The following ALK variants were observed in gnomAD, a reference collection of about 807,000 sequenced individuals.
The protein encoded by ALK is ALK tyrosine kinase receptor.
Under a neutral mutation model 163.1 loss-of-function variants are expected in ALK, and 74 were observed. That is an observed-to-expected ratio of 0.45 (90% confidence interval 0.38 to 0.55). The LOEUF (loss-of-function observed/expected upper bound fraction) is 0.55, where lower values mean the gene tolerates loss of function less well. Ranked by LOEUF, ALK falls within the 20% of genes least tolerant of loss-of-function variation. The pLI, the probability that ALK is intolerant of heterozygous loss-of-function variation, is 0.00. For synonymous variants in ALK, 960 were observed against 843.2 expected, an observed-to-expected ratio of 1.14 and a Z score of -2.40; for missense variants, 2,063 against 2,105.3, an observed-to-expected ratio of 0.98 and a Z score of 0.39.
intron 1 of ALK, among the ~76,000 whole-genome samples, chr2:29,841,497 G>A (rs546556266): frequency 7.2e-5 from 11 of 152,324 alleles, no homozygotes; most frequent in Admixed American, 2.0e-4. Flanking sequence ...GTATGTTAGA[G>A]AAGGATAATA....
chr2:29,278,988 G>C (rs867894831), intron 9 of ALK, among the ~76,000 whole-genome samples: 1 of 152,200 alleles, frequency 6.6e-6, no homozygotes, highest in African/African-American at 2.4e-5. Context: ...CTGGGGGGGG[G>C]GACAGAATCG....
Position 29,810,539 on chromosome 2 carries a change from T to C in ALK, c.668-92842A>G, listed in dbSNP as rs189146948. Among the ~76,000 whole-genome samples, 6 of 152,160 alleles carry C rather than the reference T, an allele frequency of 3.9e-5. No individual in the cohort carries two copies. The East Asian group carries it at 1.2e-3, about 29-fold the overall frequency. ...TGACTTGAATCTTGAATAACTTGTA[T>C]TGGAGGGCCTGGGAGAACAATGTGA... On this transcript the variant is annotated intron_variant, in intron 1 of 28. Coordinates refer to ENST00000389048, the MANE Select transcript of ALK (RefSeq NM_004304.5).
intron 3 of ALK, among the ~76,000 whole-genome samples, chr2:29,683,483 T>G (rs1678137673): frequency 6.6e-6 from 1 of 152,150 alleles, no homozygotes; most frequent in Non-Finnish European, 1.5e-5. Context: ...TGGACCATAA[T>G]GCATTAGATA....
At chr2:29,430,720 A>G (rs1670253020) in intron 4 of ALK, among the ~76,000 whole-genome samples, 1 of 152,228 alleles carries the variant, frequency 6.6e-6, no homozygotes, top group African/African-American at 2.4e-5. Context: ...TGCCTGGTAT[A>G]AAGAGAGCAA....
intron 5 of ALK, among the ~76,000 whole-genome samples, chr2:29,341,880 T>C (rs1667803313): frequency 6.6e-6 from 1 of 152,224 alleles, no homozygotes. Flanking sequence ...CTCTTTGTAT[T>C]TTTTAGTTTT....
At chr2:29,242,766 T>G (rs968089356) in intron 12 of ALK, among the ~76,000 whole-genome samples, 1 of 152,242 alleles carries the variant, frequency 6.6e-6, no homozygotes, top group Non-Finnish European at 1.5e-5. Flanking sequence ...TTGAGAAGAC[T>G]GCAAACCCAT....
chr2:29,868,985 GC>G (rs754709287), intron 1 of ALK, among the ~76,000 whole-genome samples: 1 of 152,180 alleles, frequency 6.6e-6, no homozygotes, highest in Non-Finnish European at 1.5e-5. Context: ...CTGGCTGACA[GC>G]CCCAGCTGAG....
At chr2:29,829,003 A>G (rs547129507) in intron 1 of ALK, among the ~76,000 whole-genome samples, 1 of 151,988 alleles carries the variant, frequency 6.6e-6, no homozygotes, top group African/African-American at 2.4e-5. Context: ...TGATGAGTTC[A>G]TGTCCTTTGT....
intron 3 of ALK, among the ~76,000 whole-genome samples, chr2:29,664,699 C>T (rs995654197): frequency 9.2e-5 from 14 of 152,148 alleles, no homozygotes; most frequent in African/African-American, 3.4e-4. Context: ...CCAGCTCCAC[C>T]CCACCTTGTC....
intron 1 of ALK, among the ~76,000 whole-genome samples, chr2:29,906,937 G>GT (rs70962250): frequency 0.012 from 998 of 80,026 alleles, 76 homozygotes; most frequent in African/African-American, 0.032. Flanking sequence ...TACATTTAAG[G>GT]TTTTTTTTTT....
rs1528426 is a variant in ALK at position 29,352,183 on chromosome 2, T to A, written c.1283-23702A>T. 4.6e-5 allele frequency among the ~76,000 whole-genome samples: 7 copies of A among 152,310 alleles called. No homozygotes were observed. In the South Asian group the frequency reaches 6.2e-4, roughly 14 times the overall value. On this transcript the variant is annotated intron_variant, in intron 5 of 28. Transcript: ENST00000389048. ...TGTGCTGCACCCTCACCCTCACTGC[T>A]AAACTGGTGACAATAAAGATTGTGG... is the stretch of plus-strand genomic sequence containing the variant.
intron 3 of ALK, among the ~76,000 whole-genome samples, chr2:29,622,086 G>A (rs567764135): frequency 2.0e-4 from 31 of 152,292 alleles, no homozygotes; most frequent in African/African-American, 7.5e-4. Flanking sequence ...TTGGTTTAGT[G>A]AACACCCATA....
chr2:29,445,827 C>T lies in ALK; in HGVS notation c.1155-61968G>A, dbSNP rs551718809. ...ACAAGAGTGAAGCGCTGGCCGGGCGCGGTGGCTCACGCCTGTAATCCCAGC... is the reference window on the plus strand; with the variant it reads ...ACAAGAGTGAAGCGCTGGCCGGGCGTGGTGGCTCACGCCTGTAATCCCAGC... On this transcript the variant is annotated intron_variant, in intron 4 of 28. Coordinates refer to ENST00000389048, the MANE Select transcript of ALK (RefSeq NM_004304.5). Among the ~76,000 whole-genome samples, 366 of 148,580 alleles carry T rather than the reference C, an allele frequency of 2.5e-3. 3 individuals carry two copies. The highest frequency in any genetic ancestry group is 8.5e-3 in the African/African-American group (343 of 40,190).
intron 3 of ALK, among the ~76,000 whole-genome samples, chr2:29,560,373 G>A (rs767568969): frequency 6.6e-6 from 1 of 152,140 alleles, no homozygotes; most frequent in Non-Finnish European, 1.5e-5. Context: ...TTTTATTATT[G>A]TCTTTACAGC....
chr2:29,558,442 G>C lies in ALK; in HGVS notation c.953-26326C>G, dbSNP rs531752254. ...TTATCTTTACAGCTCCCTGCTTTCT[G>C]ACCCTTTGGTTTACTCTGTGGCCCA... On this transcript the variant is annotated intron_variant, in intron 3 of 28. Coordinates refer to ENST00000389048, the MANE Select transcript of ALK (RefSeq NM_004304.5). Among the ~76,000 whole-genome samples, 19 of 152,108 alleles carry C rather than the reference G, an allele frequency of 1.2e-4. No individual in the cohort carries two copies. In the South Asian group the frequency reaches 2.9e-3, roughly 23 times the overall value.
chr2:29,575,599 C>T (rs1674501548), intron 3 of ALK, among the ~76,000 whole-genome samples: 1 of 152,320 alleles, frequency 6.6e-6, no homozygotes, highest in Non-Finnish European at 1.5e-5. Flanking sequence ...CCACTATATA[C>T]ACCAATGAAA....
intron 9 of ALK, among the ~76,000 whole-genome samples, chr2:29,290,109 G>A (rs1665981157): frequency 6.6e-6 from 1 of 152,172 alleles, no homozygotes; most frequent in South Asian, 2.1e-4. Context: ...TTCATGCTTG[G>A]AAACCTTCAC....
chr2:29,207,106 G>A (rs2148151735), intron 26 of ALK, 65 bp downstream of exon 26: 1 of 1,275,900 alleles, frequency 7.8e-7, no homozygotes, highest in Non-Finnish European at 1.1e-6. Context: ...AGAGTATAGA[G>A]TCCTTTGGCC....
At chr2:29,647,167 C>T (rs1001308791) in intron 3 of ALK, among the ~76,000 whole-genome samples, 2 of 152,138 alleles carry the variant, frequency 1.3e-5, no homozygotes, top group Admixed American at 6.5e-5. Flanking sequence ...ATGGAAGTTA[C>T]GTTAGAAAAT....
Sources: allele counts gnomAD v4.1 joint callset (sites outside exome capture counted in the v4.1 genomes callset), GRCh38; gene constraint gnomAD v4.1.1; transcripts MANE v1.5; gene names NCBI Gene and HGNC (gene_info 2026-07-23, HGNC 2026-07-21).